IGF1R: variants seen among roughly 807,000 people sequenced by gnomAD.
The protein encoded by IGF1R is insulin like growth factor 1 receptor, also known as insulin-like growth factor 1 receptor.
Under a neutral mutation model 144.6 loss-of-function variants are expected in IGF1R, and 44 were observed. The ratio of observed to expected loss-of-function variants is 0.30; its 90% CI spans 0.24 to 0.39. The LOEUF is 0.39. Ranked by LOEUF, IGF1R falls within the 10% of genes least tolerant of loss-of-function variation. The pLI is 1.00. For synonymous variants in IGF1R, 795 were observed against 722.8 expected (o/e 1.10, Z -1.60); for missense variants, 1,355 against 1,833.7 (o/e 0.74, Z 4.77).
At chr15:98,689,046 A>G (rs2053407159) in intron 1 of IGF1R, among the ~76,000 whole-genome samples, 1 of 152,156 alleles carries the variant, frequency 6.6e-6, no homozygotes, top group South Asian at 2.1e-4. Context: ...GCAAAATTAA[A>G]TCACTCTGCA....
At chr15:98,849,737 A>G (rs761781906) in intron 2 of IGF1R, among the ~76,000 whole-genome samples, 4 of 152,250 alleles carry the variant, frequency 2.6e-5, no homozygotes, top group Non-Finnish European at 5.9e-5. Context: ...TAACAGTTCA[A>G]TAGGATTTGG....
chr15:98,714,493 ATAAT>A (rs1390414729), intron 2 of IGF1R, among the ~76,000 whole-genome samples: 2 of 152,118 alleles, frequency 1.3e-5, no homozygotes, highest in South Asian at 2.1e-4. Context: ...AAAAATTTAA[ATAAT>A]TAGCTGGTTG....
chr15:98,768,763 C>CAAAAAAAAAAAA (rs72476452), intron 2 of IGF1R, among the ~76,000 whole-genome samples: 118 of 85,986 alleles, frequency 1.4e-3, no homozygotes, highest in South Asian at 2.9e-3. Context: ...ACTAAAAATA[C>CAAAAAAAAAAAA]AAAAAAAAAA....
chr15:98,675,367 T>A (rs1289961997), intron 1 of IGF1R, among the ~76,000 whole-genome samples: 1 of 152,186 alleles, frequency 6.6e-6, no homozygotes, highest in Non-Finnish European at 1.5e-5. Context: ...TCTGATTAAT[T>A]CTTTGGGCTA....
rs1287177223 is a variant in IGF1R at position 98,908,707 on chromosome 15, G to A, written c.1270G>A (p.Asp424Asn). The A allele has an allele frequency of 6.2e-7, 1 of 1,614,014 alleles. No individual in the cohort carries two copies. Among genetic ancestry groups the A allele is most frequent in the Non-Finnish European group, 8.5e-7 (1 of 1,179,966 alleles). ...TAGGAATTACTCCTTCTACGTCCTCGACAACCAGAACTTGCAGCAACTGTG... is the reference window on the plus strand; with the variant it reads ...TAGGAATTACTCCTTCTACGTCCTCAACAACCAGAACTTGCAGCAACTGTG... ...LEGNYSFYVLDNQNLQQLWDW... is the reference protein window; with the variant it reads ...LEGNYSFYVLNNQNLQQLWDW... The change falls in exon 6 of 21, where the codon GAC becomes AAC. Residue 424 changes from aspartate (D) to asparagine (N), a missense_variant. Physicochemically the swap from Asp to Asn is conservative, Grantham distance 23 (BLOSUM62 1). This residue lies in a region of IGF1R where 880 missense variants were observed against 1,202.7 expected (regional missense o/e 0.73). Transcript: ENST00000650285.
intron 2 of IGF1R, among the ~76,000 whole-genome samples, chr15:98,713,868 A>G (rs2054054435): frequency 6.6e-6 from 1 of 152,222 alleles, no homozygotes; most frequent in Non-Finnish European, 1.5e-5. Context: ...GTCTGCTCAG[A>G]TCACCCTGAG....
chr15:98,783,076 G>A lies in IGF1R; in HGVS notation c.640+74969G>A, dbSNP rs570152396. On this transcript the variant is annotated intron_variant, in intron 2 of 20. Transcript: ENST00000650285. Reference sequence around the variant, plus strand: ...TGCCTGCCTAGGCTGCTGGAGGATGGCAAGTTAATTTATTTGTTGTTGGGA... The same window carrying A: ...TGCCTGCCTAGGCTGCTGGAGGATGACAAGTTAATTTATTTGTTGTTGGGA... Among the ~76,000 whole-genome samples the A allele has an allele frequency of 4.6e-5, 7 of 152,260 alleles. No individual in the cohort carries two copies. In the East Asian group the frequency reaches 1.3e-3, roughly 29 times the overall value.
At chr15:98,682,794 C>T (rs1214885940) in intron 1 of IGF1R, among the ~76,000 whole-genome samples, 1 of 152,120 alleles carries the variant, frequency 6.6e-6, no homozygotes, top group Non-Finnish European at 1.5e-5. Flanking sequence ...GATCCACCCG[C>T]CTCTGCCTCC....
At position 98,935,243 on chromosome 15, in the gene IGF1R, C is replaced by A; in HGVS notation, c.3187-73C>A. 1 of 1,076,844 alleles carries A rather than the reference C, an allele frequency of 9.3e-7. No homozygotes were observed. The highest frequency in any genetic ancestry group is 1.4e-6 in the Non-Finnish European group (1 of 718,042). The allele number at this position is 1,076,844 out of a possible 1,614,324, so 66.7% of individuals were successfully genotyped here. A position where few individuals can be genotyped will look rare whatever the true frequency, so the allele number is the denominator to read the frequency against. ...AGACCAGGCCGCAGCACCACAGAGA[C>A]AGTTCCAGACAACACAGGCATCAGC... On this transcript the variant is annotated intron_variant, in intron 16 of 20. Coordinates refer to ENST00000650285, the MANE Select transcript of IGF1R (RefSeq NM_000875.5). The surrounding 1 kb of genome is among the most constrained non-coding windows in gnomAD (Gnocchi z 4.2).
At chr15:98,888,331 C>G (rs1596399177) in intron 2 of IGF1R, among the ~76,000 whole-genome samples, 1 of 152,028 alleles carries the variant, frequency 6.6e-6, no homozygotes, top group East Asian at 1.9e-4. Context: ...ATTGGAATAC[C>G]CAATTGCAGT....
intron 2 of IGF1R, among the ~76,000 whole-genome samples, chr15:98,823,309 C>G (rs918429477): frequency 6.6e-6 from 1 of 152,210 alleles, no homozygotes; most frequent in African/African-American, 2.4e-5. Context: ...TGATGTCACT[C>G]TGAACCAATT....
At chr15:98,870,309 T>C (rs757740505) in intron 2 of IGF1R, among the ~76,000 whole-genome samples, 1 of 152,228 alleles carries the variant, frequency 6.6e-6, no homozygotes, top group South Asian at 2.1e-4. Flanking sequence ...AAGTCTTTGA[T>C]TGTAAACACG....
chr15:98,749,741 C>T (rs1290763993), intron 2 of IGF1R, among the ~76,000 whole-genome samples: 2 of 152,168 alleles, frequency 1.3e-5, no homozygotes, highest in African/African-American at 4.8e-5. Context: ...CTAAGAGATT[C>T]GATTTGGCTG....
At chr15:98,811,584 A>G (rs760886504) in intron 2 of IGF1R, among the ~76,000 whole-genome samples, 7 of 151,574 alleles carry the variant, frequency 4.6e-5, no homozygotes, top group Non-Finnish European at 4.4e-5. Context: ...CTCCTTCCTT[A>G]TAACTTGTAT....
In IGF1R at chr15:98,823,910, AAG is replaced by A. The variant is rs1324735212; in HGVS notation, c.641-67412_641-67411del. Reference sequence around the variant, plus strand: ...ATTTTCAGGCATATTCTGAGAGAGAAAGAGGGGGAAAAAAAGACTAGACATCC... The same window carrying A: ...ATTTTCAGGCATATTCTGAGAGAGAAAGGGGGAAAAAAAGACTAGACATCC... On this transcript the variant is annotated intron_variant, in intron 2 of 20. Transcript: ENST00000650285. Among the ~76,000 whole-genome samples, 11 of 152,222 alleles carry A rather than the reference AAG, an allele frequency of 7.2e-5. 1 individual carries two copies. Among genetic ancestry groups the A allele is most frequent in the South Asian group, 4.1e-4 (2 of 4,834 alleles).
chr15:98,947,296 C>T (rs547486647), intron 19 of IGF1R, among the ~76,000 whole-genome samples: 19 of 152,300 alleles, frequency 1.2e-4, no homozygotes, highest in African/African-American at 4.1e-4. Context: ...TTTGATTCAC[C>T]GAAAGTAGCT....
chr15:98,877,919 T>C (rs976503549), intron 2 of IGF1R, among the ~76,000 whole-genome samples: 1 of 152,232 alleles, frequency 6.6e-6, no homozygotes, highest in Non-Finnish European at 1.5e-5. Context: ...TCGTTTAAGT[T>C]ATGTTGACAT....
At chr15:98,696,533 G>A (rs914243659) in intron 1 of IGF1R, among the ~76,000 whole-genome samples, 3 of 152,192 alleles carry the variant, frequency 2.0e-5, no homozygotes, top group African/African-American at 7.2e-5. Flanking sequence ...AAATCCTTAT[G>A]CCAAGAAAAT....
chr15:98,783,236 T>C (rs914193173), intron 2 of IGF1R, among the ~76,000 whole-genome samples: 6 of 152,206 alleles, frequency 3.9e-5, no homozygotes, highest in African/African-American at 1.4e-4. Context: ...TAGTACAGTA[T>C]CACAGCTAGG....
Sources: allele counts gnomAD v4.1 joint callset (sites outside exome capture counted in the v4.1 genomes callset), GRCh38; gene constraint gnomAD v4.1.1; regional missense constraint gnomAD v4.1.1; non-coding constraint Gnocchi (gnomAD v3.1); transcripts MANE v1.5; gene names NCBI Gene and HGNC (gene_info 2026-07-23, HGNC 2026-07-21).